Variants in UBR2 observed in about 807,000 individuals in gnomAD.
UBR2 encodes E3 ubiquitin-protein ligase UBR2.
Under a neutral mutation model 247.9 loss-of-function variants are expected in UBR2, and 92 were observed. That is an observed-to-expected ratio of 0.37 (90% CI 0.31 to 0.44). The LOEUF (loss-of-function observed/expected upper bound fraction) is 0.44, where lower values mean the gene tolerates loss of function less well. Ranked by LOEUF, UBR2 falls within the 20% of genes least tolerant of loss-of-function variation. The probability of loss-of-function intolerance (pLI) is 1.00; values close to 1 mark genes in which losing one functional copy is unlikely to be tolerated. For synonymous variants in UBR2, 672 were observed against 693.5 expected, an observed-to-expected ratio of 0.97 and a Z score of 0.49; for missense variants, 1,613 against 2,112.6, an observed-to-expected ratio of 0.76 and a Z score of 4.64.
intron 44 of UBR2, among the ~76,000 whole-genome samples, chr6:42,687,901 T>C (rs548208474): frequency 2.3e-4 from 33 of 146,582 alleles, no homozygotes; most frequent in South Asian, 6.4e-4. Flanking sequence ...TATAACTTTA[T>C]TGATTTTTCA....
chr6:42,682,976 T>C, intron 42 of UBR2, 79 bp from the exon 43 acceptor site: 1 of 1,188,626 alleles, frequency 8.4e-7, no homozygotes, highest in African/African-American at 1.6e-5. Context: ...TTTCCTCTTA[T>C]TGGCTATGGA....
chr6:42,605,414 A>G (rs57880987), intron 5 of UBR2, among the ~76,000 whole-genome samples: 66,489 of 152,018 alleles, frequency 0.44, 14,584 homozygotes, highest in African/African-American at 0.48. Flanking sequence ...GTTGAGAGCT[A>G]CTGATAGCCA....
intron 2 of UBR2, among the ~76,000 whole-genome samples, chr6:42,577,430 A>G (rs1791590554): frequency 6.6e-6 from 1 of 152,186 alleles, no homozygotes; most frequent in Admixed American, 6.5e-5. Flanking sequence ...ATGTCAGAAA[A>G]AAGCCATCTG....
At chr6:42,614,202 A>ATATATAT (rs1562310731) in intron 8 of UBR2, among the ~76,000 whole-genome samples, 1 of 37,868 alleles carries the variant, frequency 2.6e-5, no homozygotes, top group Non-Finnish European at 5.2e-5. Flanking sequence ...AAAAAAAAAA[A>ATATATAT]AAACTATATA....
chr6:42,616,351 A>G (rs1424917580), intron 10 of UBR2, among the ~76,000 whole-genome samples: 1 of 152,090 alleles, frequency 6.6e-6, no homozygotes, highest in Non-Finnish European at 1.5e-5. Context: ...GTTTAAACCT[A>G]TGCCATTGTG....
chr6:42,655,112 T>C (rs1797360349), intron 25 of UBR2, among the ~76,000 whole-genome samples: 1 of 152,200 alleles, frequency 6.6e-6, no homozygotes, highest in African/African-American at 2.4e-5. Flanking sequence ...CTCATTGAAG[T>C]AGAAAATTTT....
intron 26 of UBR2, among the ~76,000 whole-genome samples, chr6:42,656,404 C>T (rs1358008828): frequency 6.6e-6 from 1 of 152,072 alleles, no homozygotes; most frequent in Non-Finnish European, 1.5e-5. Flanking sequence ...CCATTTTGGT[C>T]AGTGGGAGTT....
At chr6:42,651,947 T>TAA (rs1457085413) in intron 23 of UBR2, 76 bp from the exon 24 acceptor site, 2 of 1,424,364 alleles carry the variant, frequency 1.4e-6, no homozygotes, top group Non-Finnish European at 1.9e-6. Flanking sequence ...CCACCTCTAC[T>TAA]AAAAATATAA....
intron 1 of UBR2, among the ~76,000 whole-genome samples, chr6:42,569,956 G>A (rs1034059082): frequency 3.9e-5 from 6 of 152,210 alleles, no homozygotes; most frequent in Admixed American, 3.3e-4. Context: ...TATGCCACAT[G>A]GGTGTGACAG....
At chr6:42,601,745 T>G (rs1411541496) in intron 4 of UBR2, among the ~76,000 whole-genome samples, 1 of 151,700 alleles carries the variant, frequency 6.6e-6, no homozygotes, top group Non-Finnish European at 1.5e-5. Context: ...TGAGAAGAGT[T>G]ATAGGTAAAA....
chr6:42,615,616 T>G (rs1667175348), intron 9 of UBR2, among the ~76,000 whole-genome samples: 1 of 152,140 alleles, frequency 6.6e-6, no homozygotes, highest in South Asian at 2.1e-4. Flanking sequence ...ATGTATGGCT[T>G]TCTTTGTTTT....
In UBR2 at chr6:42,614,415, C is replaced by CGTACATACATACGTATGTATGTAT. The variant is rs1554250447; in HGVS notation, c.986-652_986-651insATACATACGTATGTATGTATGTAC. Among the ~76,000 whole-genome samples, 10 of 89,220 alleles carry CGTACATACATACGTATGTATGTAT rather than the reference C, an allele frequency of 1.1e-4. 1 individual carries two copies. Among genetic ancestry groups the CGTACATACATACGTATGTATGTAT allele is most frequent in the African/African-American group, 3.4e-4 (7 of 20,742 alleles). The allele number at this position is 89,220 out of a possible 152,430, so 58.5% of individuals were successfully genotyped here. On this transcript the variant is annotated intron_variant, in intron 8 of 46. Coordinates refer to ENST00000372901, the MANE Select transcript of UBR2 (RefSeq NM_001363705.2). ...ACGTACATACATACGTATGTATGTA[C>CGTACATACATACGTATGTATGTAT]GTACGTACATATATATGTATGTACG... is the stretch of plus-strand genomic sequence containing the variant.
intron 25 of UBR2, 63 bp from the exon 26 acceptor site, chr6:42,655,554 ATTTC>A (rs1797395592): frequency 4.7e-6 from 4 of 859,326 alleles, no homozygotes; most frequent in Non-Finnish European, 7.0e-6. Context: ...CTTTTTTCCT[ATTTC>A]TTATTAAAAT....
At chr6:42,674,279 G>A in intron 38 of UBR2, 86 bp downstream of exon 38, 1 of 1,260,242 alleles carries the variant, frequency 7.9e-7, no homozygotes, top group Non-Finnish European at 1.1e-6. Context: ...TGGCAGACAG[G>A]AAGGAGTTAT....
In UBR2 at chr6:42,659,247, G is replaced by A. The variant is rs985268340; in HGVS notation, c.3243-409G>A. Reference sequence around the variant, plus strand: ...GTGGTGGCTCACGCCTGTAATCCCAGCACTTCGGGAGGCCAAGGCGGGCGG... The same window carrying A: ...GTGGTGGCTCACGCCTGTAATCCCAACACTTCGGGAGGCCAAGGCGGGCGG... On this transcript the variant is annotated intron_variant, in intron 29 of 46. Coordinates refer to ENST00000372901, the MANE Select transcript of UBR2 (RefSeq NM_001363705.2). This position sits in a 1 kb window ranked among gnomAD's most constrained non-coding sequence, Gnocchi z 4.3. Among the ~76,000 whole-genome samples the A allele has an allele frequency of 6.6e-6, 1 of 152,054 alleles. No homozygotes were observed. The highest frequency in any genetic ancestry group is 2.4e-5 in the African/African-American group (1 of 41,398).
rs567447346 is a variant in UBR2, at chr6:42,596,166, A to T, written c.531+1862A>T. Reference sequence around the variant, plus strand: ...TATATCTTACAACTCAGCAAGTAAAAAGATAACCCAATTTAAAAATGGGCA... The same window carrying T: ...TATATCTTACAACTCAGCAAGTAAATAGATAACCCAATTTAAAAATGGGCA... On this transcript the variant is annotated intron_variant, in intron 4 of 46. Coordinates refer to ENST00000372901, the MANE Select transcript of UBR2 (RefSeq NM_001363705.2). 4.7e-5 allele frequency among the ~76,000 whole-genome samples: 7 copies of T among 149,570 alleles called. No homozygotes were observed. In the South Asian group the frequency reaches 1.3e-3, roughly 28 times the overall value.
intron 10 of UBR2, 185 bp from the exon 11 acceptor site, chr6:42,617,224 C>T (rs1214388138): frequency 6.2e-7 from 1 of 1,611,936 alleles, no homozygotes. Flanking sequence ...AGGTGAATCT[C>T]CCCCTTGTTG....
Position 42,626,008 on chromosome 6 carries a change from G to T in UBR2, c.1282-6544G>T, listed in dbSNP as rs531626156. ...TTTTTGTATTTTTAGTAGAGCCGGG[G>T]TTTCACCATGTTAGCCAGGATGGTC... On this transcript the variant is annotated intron_variant, in intron 11 of 46. Transcript: ENST00000372901. Among the ~76,000 whole-genome samples the T allele has an allele frequency of 5.3e-5, 8 of 151,692 alleles. No homozygotes were observed. In the South Asian group the frequency reaches 8.4e-4, roughly 16 times the overall value.
chr6:42,600,470 A>G (rs12192913), intron 4 of UBR2, among the ~76,000 whole-genome samples: 1 of 152,096 alleles, frequency 6.6e-6, no homozygotes, highest in African/African-American at 2.4e-5. Context: ...CATTTAATTT[A>G]CCATCATAAC....
Sources: allele counts gnomAD v4.1 joint callset (sites outside exome capture counted in the v4.1 genomes callset), GRCh38; gene constraint gnomAD v4.1.1; non-coding constraint Gnocchi (gnomAD v3.1); transcripts MANE v1.5; gene names NCBI Gene and HGNC (gene_info 2026-07-23, HGNC 2026-07-21).